KDM4B: variants seen among roughly 807,000 people sequenced by gnomAD.
KDM4B encodes the protein lysine demethylase 4B.
In KDM4B, 32 loss-of-function variants were observed where a neutral mutation model predicts 125.2. That is an observed-to-expected ratio of 0.26 (90% CI 0.19 to 0.34). The LOEUF (loss-of-function observed/expected upper bound fraction) is 0.34. Among genes scored for constraint, KDM4B ranks in the 10% least tolerant of loss-of-function variants. The pLI, the probability that KDM4B is intolerant of heterozygous loss-of-function variation, is 1.00. For missense variants in KDM4B, 1,190 were observed against 1,577.7 expected, an observed-to-expected ratio of 0.75 and a Z score of 4.16; for synonymous variants, 721 against 677.9, an observed-to-expected ratio of 1.06 and a Z score of -0.99.
intron 2 of KDM4B, among the ~76,000 whole-genome samples, chr19:5,027,954 A>C (rs905911735): frequency 6.6e-6 from 1 of 152,162 alleles, no homozygotes; most frequent in Non-Finnish European, 1.5e-5. Flanking sequence ...AACTTGTGCA[A>C]CTATCATCAC....
intron 11 of KDM4B, among the ~76,000 whole-genome samples, chr19:5,130,845 C>T (rs1397533114): frequency 2.0e-5 from 3 of 152,266 alleles, no homozygotes; most frequent in Non-Finnish European, 4.4e-5. Flanking sequence ...AGTGCCGCTG[C>T]TGCGCCTGCG....
chr19:5,040,140 C>T lies in KDM4B; in HGVS notation c.317+129C>T, dbSNP rs112363410. 3.3e-5 allele frequency: 35 copies of T among 1,064,578 alleles called. 3 individuals are homozygous for T. Among genetic ancestry groups the T allele is most frequent in the African/African-American group, 2.4e-4 (15 of 62,722 alleles). 65.9% of individuals were successfully genotyped at this position (1,064,578 alleles called of 1,614,324 possible). ...CATGGCCGGCCTGCTCTGTGTGCCC[C>T]GTGTGGGCTGTGGCGACCCCTGCTC... On this transcript the variant is annotated intron_variant, in intron 4 of 22. Coordinates refer to ENST00000159111, the MANE Select transcript of KDM4B (RefSeq NM_015015.3).
intron 1 of KDM4B, among the ~76,000 whole-genome samples, chr19:5,015,375 C>G (rs577363100): frequency 6.6e-6 from 1 of 152,262 alleles, no homozygotes; most frequent in East Asian, 1.9e-4. Context: ...CCTCAGCCTC[C>G]TGAGTAGCTG....
intron 22 of KDM4B, 113 bp downstream of exon 22, chr19:5,150,563 C>G (rs2039928813): frequency 4.1e-6 from 3 of 734,524 alleles, no homozygotes; most frequent in Non-Finnish European, 6.6e-6. Context: ...TCCTCTTGCA[C>G]CTCTGCTGGA....
intron 6 of KDM4B, among the ~76,000 whole-genome samples, chr19:5,060,459 AAAAAG>A (rs1419481275): frequency 0.047 from 6,120 of 128,946 alleles, 930 homozygotes; most frequent in African/African-American, 0.06. Flanking sequence ...AAAAAAAAAA[AAAAAG>A]GGAGCCATGA....
chr19:5,106,753 G>T (rs965196272), intron 9 of KDM4B, among the ~76,000 whole-genome samples: 2 of 152,190 alleles, frequency 1.3e-5, no homozygotes, highest in African/African-American at 4.8e-5. Context: ...GGCATCTGGG[G>T]CACCAAGAGG....
At chr19:5,150,200 GTCAGAGGTGGACATGAGCTT>G (rs2039921657) in intron 21 of KDM4B, among the ~76,000 whole-genome samples, 138 bp from the exon 22 acceptor site, 1 of 152,236 alleles carries the variant, frequency 6.6e-6, no homozygotes, top group South Asian at 2.1e-4. Context: ...TGCAGGCGGT[GTCAGAGGTGGACATGAGCTT>G]CAGCTTGGCT....
At chr19:4,989,163 T>A (rs545678100) in intron 1 of KDM4B, among the ~76,000 whole-genome samples, 2 of 152,302 alleles carry the variant, frequency 1.3e-5, no homozygotes, top group African/African-American at 4.8e-5. Flanking sequence ...CGTGGAGGGC[T>A]TGGCAGGGTG....
chr19:4,994,477 C>T (rs1022354251), intron 1 of KDM4B, among the ~76,000 whole-genome samples: 3 of 148,880 alleles, frequency 2.0e-5, no homozygotes, highest in African/African-American at 5.0e-5. Flanking sequence ...GCAGGAGAAT[C>T]GCTTGAACCC....
intron 9 of KDM4B, among the ~76,000 whole-genome samples, chr19:5,087,494 C>T (rs1297579252): frequency 6.6e-6 from 1 of 152,230 alleles, no homozygotes; most frequent in Non-Finnish European, 1.5e-5. Context: ...TGCAGCGTCC[C>T]TTGGAGGCAG....
intron 6 of KDM4B, 49 bp from the exon 7 acceptor site, chr19:5,070,961 G>T (rs762123348): frequency 6.2e-7 from 1 of 1,605,016 alleles, no homozygotes. Flanking sequence ...ACACCCCCTT[G>T]CGTGGCTGCC....
At chr19:5,031,006 C>T (rs958069624) in intron 2 of KDM4B, among the ~76,000 whole-genome samples, 1 of 152,198 alleles carries the variant, frequency 6.6e-6, no homozygotes, top group East Asian at 1.9e-4. Context: ...CAGCTCCCAT[C>T]GTGGCTACTG....
chr19:5,043,598 C>T (rs1282640152), intron 5 of KDM4B, among the ~76,000 whole-genome samples: 1 of 144,044 alleles, frequency 6.9e-6, no homozygotes, highest in Non-Finnish European at 1.5e-5. Flanking sequence ...TGGGGGTGTC[C>T]ACCATATCCT....
At chr19:4,990,910 C>G (rs1023466748) in intron 1 of KDM4B, among the ~76,000 whole-genome samples, 4 of 152,094 alleles carry the variant, frequency 2.6e-5, no homozygotes, top group African/African-American at 9.7e-5. Flanking sequence ...CACCTGAGAT[C>G]AGGAGTTCGA....
chr19:5,116,285 G>C lies in KDM4B; in HGVS notation c.1116-3368G>C, dbSNP rs193182488. 1.0e-3 allele frequency among the ~76,000 whole-genome samples: 149 copies of C among 146,714 alleles called. 2 individuals are homozygous for C. Among genetic ancestry groups the C allele is most frequent in the African/African-American group, 3.6e-3 (143 of 39,858 alleles). ...AAAATTATAAAGAATAGGAGACTCT[G>C]TTAGCATTGGATTTACAGTCATAAT... On this transcript the variant is annotated intron_variant, in intron 10 of 22. Transcript: ENST00000159111.
chr19:5,105,638 T>G (rs2039020282), intron 9 of KDM4B, among the ~76,000 whole-genome samples: 1 of 152,164 alleles, frequency 6.6e-6, no homozygotes, highest in Admixed American at 6.5e-5. Flanking sequence ...CGTCTTGCTA[T>G]ATTGCCCAGG....
At position 5,142,763 on chromosome 19, in the gene KDM4B, T is replaced by C. The variant is rs2039767936; in HGVS notation, c.2551-1204T>C. Among the ~76,000 whole-genome samples, 1 of 151,842 alleles carries C rather than the reference T, an allele frequency of 6.6e-6. No homozygotes were observed. The highest frequency in any genetic ancestry group is 2.4e-5 in the African/African-American group (1 of 41,334). ...TGGCGCGTGTTGTGTGATGGGAGAA[T>C]TGGGTATTTACAGTTTAATAACGAG... is the stretch of plus-strand genomic sequence containing the variant. On this transcript the variant is annotated intron_variant, in intron 18 of 22. Transcript: ENST00000159111. The surrounding 1 kb of genome is among the most constrained non-coding windows in gnomAD (Gnocchi z 5.4).
At chr19:5,074,382 G>T (rs564091003) in intron 7 of KDM4B, 3 of 152,236 alleles carry the variant, frequency 2.0e-5, no homozygotes, top group Non-Finnish European at 4.4e-5. Context: ...GTGTTCCATC[G>T]TTGGGACGGT....
At chr19:5,056,204 C>T (rs2037390253) in intron 6 of KDM4B, among the ~76,000 whole-genome samples, 1 of 152,144 alleles carries the variant, frequency 6.6e-6, no homozygotes, top group African/African-American at 2.4e-5. Flanking sequence ...GGGAGGAAGA[C>T]CACAGGGGCG....
Sources: gnomAD v4.1 joint callset for allele counts (sites outside exome capture counted in the v4.1 genomes callset) on GRCh38, gnomAD v4.1.1 for gene constraint, Gnocchi (gnomAD v3.1) non-coding constraint, MANE v1.5 for transcripts, NCBI Gene and HGNC (gene_info 2026-07-23, HGNC 2026-07-21) for gene names.